The following SLC38A11 variants were observed in gnomAD, a reference collection of about 807,000 sequenced individuals.
SLC38A11 encodes the protein putative sodium-coupled neutral amino acid transporter 11.
Under a neutral mutation model 49.4 loss-of-function variants are expected in SLC38A11, and 51 were observed. That is an observed-to-expected ratio of 1.03 (90% CI 0.83 to 1.30). The LOEUF is 1.30. SLC38A11 is among the 50% of genes most tolerant of loss of function. SLC38A11 has a pLI of 0.00. For missense variants in SLC38A11, 574 were observed against 556.2 expected, an observed-to-expected ratio of 1.03 and a Z score of -0.32; for synonymous variants, 203 against 192.9, an observed-to-expected ratio of 1.05 and a Z score of -0.43.
chr2:164,950,219 G>A (rs983974493), intron 3 of SLC38A11: 2 of 152,144 alleles, frequency 1.3e-5, no homozygotes, highest in African/African-American at 4.8e-5. Flanking sequence ...GAAGTTACTG[G>A]CAACAGAGTT....
intron 11 of SLC38A11, among the ~76,000 whole-genome samples, chr2:164,901,979 C>T (rs1684680220): frequency 6.7e-6 from 1 of 150,128 alleles, no homozygotes; most frequent in African/African-American, 2.4e-5. Context: ...TAAACTTTGT[C>T]AAATTCTTTT....
At chr2:164,951,081 T>A (rs1688493168) in intron 3 of SLC38A11, among the ~76,000 whole-genome samples, 1 of 152,198 alleles carries the variant, frequency 6.6e-6, no homozygotes, top group Non-Finnish European at 1.5e-5. Flanking sequence ...CTTCTCACAG[T>A]TATTGTTATA....
At position 164,915,277 on chromosome 2, in the gene SLC38A11, C is replaced by G. The variant is rs767712388; in HGVS notation, c.689-4G>C. 1.9e-6 allele frequency: 3 copies of G among 1,570,480 alleles called. No individual in the cohort carries two copies. The highest frequency in any genetic ancestry group is 2.4e-5 in the South Asian group (2 of 83,602). ...GAGTTATGGTGGCAAATAAATGCTG[C>G]AATACAAAAAAAAAGAGCATTATTA... is the stretch of plus-strand genomic sequence containing the variant. On this transcript the variant is annotated splice_polypyrimidine_tract_variant and splice_region_variant and intron_variant, in intron 8 of 11. Transcript: ENST00000685975.
Position 164,946,512 on chromosome 2 carries a change from G to A in SLC38A11, c.230-785C>T, listed in dbSNP as rs188802393. ...ATCCAGGAGGCAGAAGCTGCAGTGA[G>A]CCGAGATTCTGCCACTTCTCTCCAG... On this transcript the variant is annotated intron_variant, in intron 3 of 11. Coordinates refer to ENST00000685975, the MANE Select transcript of SLC38A11 (RefSeq NM_001351537.2). Among the ~76,000 whole-genome samples, 455 of 145,748 alleles carry A rather than the reference G, an allele frequency of 3.1e-3. 1 individual carries two copies. The highest frequency in any genetic ancestry group is 0.011 in the African/African-American group (431 of 39,274).
intron 3 of SLC38A11, among the ~76,000 whole-genome samples, chr2:164,949,569 T>C (rs1688381998): frequency 6.6e-6 from 1 of 152,196 alleles, no homozygotes; most frequent in Admixed American, 6.5e-5. Flanking sequence ...TAAGAAGTAT[T>C]AACAGATTTT....
intron 10 of SLC38A11, among the ~76,000 whole-genome samples, chr2:164,910,989 A>G (rs776321048): frequency 7.2e-5 from 11 of 151,862 alleles, no homozygotes; most frequent in Non-Finnish European, 1.5e-4. Flanking sequence ...ACAATACAAT[A>G]TATTTATATG....
chr2:164,907,364 C>T (rs1685089570), intron 11 of SLC38A11, among the ~76,000 whole-genome samples: 1 of 144,496 alleles, frequency 6.9e-6, no homozygotes, highest in Non-Finnish European at 1.5e-5. Context: ...ACCTCTACCT[C>T]CTGGGCTCAA....
rs1166370834 is a variant in SLC38A11 at position 164,937,374 on chromosome 2, C to T, written c.593G>A (p.Arg198Lys). Reference sequence around the variant, plus strand: ...CATGTGTGGACCCAGTGAAATTGCCCTTGCCATTACAATTCCAAGAATCAG... The same window carrying T: ...CATGTGTGGACCCAGTGAAATTGCCTTTGCCATTACAATTCCAAGAATCAG... Reference protein sequence around the residue: ...TTLILGIVMARAISLGPHIPK... With the variant: ...TTLILGIVMAKAISLGPHIPK... The change falls in exon 7 of 12, where the codon AGG becomes AAG. Residue 198 changes from arginine (R) to lysine (K), a missense_variant. Coordinates refer to ENST00000685975, the MANE Select transcript of SLC38A11 (RefSeq NM_001351537.2). 1 of 1,611,606 alleles carries T rather than the reference C, an allele frequency of 6.2e-7. No individual in the cohort carries two copies. The highest frequency in any genetic ancestry group is 1.3e-5 in the African/African-American group (1 of 74,830).
At chr2:164,946,539 T>C (rs60854947) in intron 3 of SLC38A11, among the ~76,000 whole-genome samples, 11,873 of 145,920 alleles carry the variant, frequency 0.081, 1,583 homozygotes, top group African/African-American at 0.28. Flanking sequence ...TCTCTCCAGC[T>C]TGGCAACACA....
intron 2 of SLC38A11, 169 bp from the exon 3 acceptor site, chr2:164,952,950 T>C (rs774465995): frequency 3.9e-5 from 22 of 565,478 alleles, no homozygotes; most frequent in Non-Finnish European, 6.2e-5. Flanking sequence ...TAGGTATTAA[T>C]ACTTATTTCA....
intron 10 of SLC38A11, among the ~76,000 whole-genome samples, chr2:164,910,808 G>A (rs1178309675): frequency 3.3e-5 from 5 of 152,094 alleles, no homozygotes; most frequent in Non-Finnish European, 5.9e-5. Context: ...CCACTGTGAA[G>A]CAAGATCATG....
intron 11 of SLC38A11, among the ~76,000 whole-genome samples, chr2:164,907,455 G>A (rs770512240): frequency 3.3e-5 from 5 of 150,812 alleles, no homozygotes; most frequent in Admixed American, 6.6e-5. Context: ...TTGTAGAGAC[G>A]GGGTTTCACT....
intron 11 of SLC38A11, among the ~76,000 whole-genome samples, chr2:164,902,887 C>G (rs192243088): frequency 6.6e-6 from 1 of 152,000 alleles, no homozygotes; most frequent in African/African-American, 2.4e-5. Context: ...CTTAAAAATA[C>G]CAAAATCATG....
rs1234761870 is a variant in SLC38A11 at position 164,895,441 on chromosome 2, C to A, written c.*2996G>T. 6.6e-6 allele frequency among the ~76,000 whole-genome samples: 1 copy of A among 152,136 alleles called. No homozygotes were observed. Among genetic ancestry groups the A allele is most frequent in the Non-Finnish European group, 1.5e-5 (1 of 68,032 alleles). Reference sequence around the variant, plus strand: ...CATTTGCTCCAATCAATAGCCACACCTAATTAAAAGACAGACTATTATTCC... The same window carrying A: ...CATTTGCTCCAATCAATAGCCACACATAATTAAAAGACAGACTATTATTCC... On this transcript the variant is annotated 3_prime_UTR_variant, in exon 12 of 12. Coordinates refer to ENST00000685975, the MANE Select transcript of SLC38A11 (RefSeq NM_001351537.2).
chr2:164,944,520 T>G (rs1270139374), intron 5 of SLC38A11, 49 bp downstream of exon 5: 1 of 814,870 alleles, frequency 1.2e-6, no homozygotes, highest in Non-Finnish European at 1.7e-6. Context: ...TATAAATAAC[T>G]ATATAAAATA....
At position 164,955,296 on chromosome 2, in the gene SLC38A11, G is replaced by C. The variant is rs764644749; in HGVS notation, c.-49C>G. The C allele has an allele frequency of 1.4e-5, 21 of 1,519,660 alleles. No homozygotes were observed. The South Asian group carries it at 2.2e-4, about 16-fold the overall frequency. The allele number at this position is 1,519,660 out of a possible 1,614,324, so 94.1% of individuals were successfully genotyped here. On this transcript the variant is annotated 5_prime_UTR_variant, in exon 1 of 12. It adds an upstream start codon to the 5' untranslated region. Transcript: ENST00000685975. ...GTGGAAGATGCTGGGGCTGGGTACGGATTCGCACCCGGCCAGCCTCCTCCG... is the reference window on the plus strand; with the variant it reads ...GTGGAAGATGCTGGGGCTGGGTACGCATTCGCACCCGGCCAGCCTCCTCCG...
chr2:164,923,496 G>A (rs1468233790), intron 7 of SLC38A11, among the ~76,000 whole-genome samples: 1 of 150,696 alleles, frequency 6.6e-6, no homozygotes, highest in Admixed American at 6.7e-5. Context: ...CTAATTATCA[G>A]AGAAATGCAA....
chr2:164,899,329 G>T (rs775255770), intron 11 of SLC38A11, among the ~76,000 whole-genome samples: 12 of 152,088 alleles, frequency 7.9e-5, no homozygotes, highest in Non-Finnish European at 1.6e-4. Context: ...TGAGAAAGTT[G>T]ACAGCAGAGC....
At chr2:164,914,590 A>G (rs962342238) in intron 9 of SLC38A11, among the ~76,000 whole-genome samples, 1 of 151,786 alleles carries the variant, frequency 6.6e-6, no homozygotes. Flanking sequence ...AATATGCTTG[A>G]GCCCGTTATC....
Sources: allele counts gnomAD v4.1 joint callset (sites outside exome capture counted in the v4.1 genomes callset), GRCh38; gene constraint gnomAD v4.1.1; transcripts MANE v1.5; gene names NCBI Gene and HGNC (gene_info 2026-07-23, HGNC 2026-07-21).